BBOX1: variants seen among roughly 807,000 people sequenced by gnomAD.
BBOX1 encodes the protein gamma-butyrobetaine dioxygenase.
In BBOX1, 35 loss-of-function variants were observed where a neutral mutation model predicts 41.6. The observed-to-expected ratio is 0.84, with a 90% CI of 0.64 to 1.11. BBOX1 has a LOEUF of 1.11. Among genes scored for constraint, BBOX1 ranks in the 50% most tolerant of loss-of-function variants. The pLI, the probability that BBOX1 is intolerant of heterozygous loss-of-function variation, is 0.00. For synonymous variants in BBOX1, 163 were observed against 154.7 expected, an observed-to-expected ratio of 1.05 and a Z score of -0.40; for missense variants, 458 against 460.6, an observed-to-expected ratio of 0.99 and a Z score of 0.05.
At position 27,119,636 on chromosome 11, in the gene BBOX1, T is replaced by C; in HGVS notation, c.640-13T>C. 4 of 1,357,622 alleles carry C rather than the reference T, an allele frequency of 2.9e-6. No homozygotes were observed. In the East Asian group the frequency reaches 1.1e-4, roughly 37 times the overall value. 84.1% of individuals were successfully genotyped at this position (1,357,622 alleles called of 1,614,324 possible). A position where few individuals can be genotyped will look rare whatever the true frequency, so the allele number is the denominator to read the frequency against. ...TTAATATTTATTTAATAATGCATAT[T>C]TTCTTTTTATAGGTTCAGCTTCTTC... On this transcript the variant is annotated splice_polypyrimidine_tract_variant and intron_variant, in intron 6 of 8. Transcript: ENST00000263182.
intron 4 of BBOX1, among the ~76,000 whole-genome samples, chr11:27,072,625 C>T (rs963428622): frequency 6.6e-6 from 1 of 152,088 alleles, no homozygotes; most frequent in Non-Finnish European, 1.5e-5. Flanking sequence ...CAATCCTAAG[C>T]CAAAAGAACA....
At chr11:27,082,866 T>C (rs1265779325) in intron 4 of BBOX1, among the ~76,000 whole-genome samples, 2 of 152,166 alleles carry the variant, frequency 1.3e-5, no homozygotes, top group African/African-American at 4.8e-5. Flanking sequence ...ATTCCAGTCA[T>C]AAGCGTGAGT....
chr11:27,096,218 CTTTG>C (rs1858433723), intron 5 of BBOX1, among the ~76,000 whole-genome samples: 1 of 152,078 alleles, frequency 6.6e-6, no homozygotes, highest in South Asian at 2.1e-4. Context: ...ATTCTTTCTA[CTTTG>C]TTTGTGCCTG....
intron 4 of BBOX1, among the ~76,000 whole-genome samples, chr11:27,091,030 G>A (rs2134037966): frequency 6.6e-6 from 1 of 152,044 alleles, no homozygotes; most frequent in East Asian, 1.9e-4. Flanking sequence ...TGGCCCTGAG[G>A]TGATGTATAT....
intron 4 of BBOX1, among the ~76,000 whole-genome samples, chr11:27,066,239 T>C (rs1426592939): frequency 6.6e-6 from 1 of 152,196 alleles, no homozygotes; most frequent in Non-Finnish European, 1.5e-5. Context: ...TTTGTTTTGT[T>C]TTGTTTTGTT....
intron 4 of BBOX1, among the ~76,000 whole-genome samples, chr11:27,059,199 C>T (rs908281780): frequency 6.6e-6 from 1 of 152,184 alleles, no homozygotes; most frequent in African/African-American, 2.4e-5. Context: ...GGCCCAGGTA[C>T]AGGTTGGGCC....
In BBOX1 at chr11:27,041,284, T is replaced by C. The variant is rs1851342104; in HGVS notation, c.-233T>C. Reference sequence around the variant, plus strand: ...GTTGCTACACCTTCAGATTGAGACATCCTTCCTCATTTACAAACCTCAGCT... The same window carrying C: ...GTTGCTACACCTTCAGATTGAGACACCCTTCCTCATTTACAAACCTCAGCT... On this transcript the variant is annotated 5_prime_UTR_variant, in exon 2 of 9. Coordinates refer to ENST00000263182, the MANE Select transcript of BBOX1 (RefSeq NM_003986.3). 1 of 151,224 alleles carries C rather than the reference T, an allele frequency of 6.6e-6. No homozygotes were observed. The highest frequency in any genetic ancestry group is 2.1e-4 in the South Asian group (1 of 4,808). The allele number at this position is 151,224 out of a possible 1,614,324, so 9.4% of individuals were successfully genotyped here. A position where few individuals can be genotyped will look rare whatever the true frequency, so the allele number is the denominator to read the frequency against.
chr11:27,051,715 T>TA (rs1464892529), intron 2 of BBOX1, among the ~76,000 whole-genome samples: 3 of 151,872 alleles, frequency 2.0e-5, no homozygotes, highest in Non-Finnish European at 4.4e-5. Context: ...TTTCTTAGGT[T>TA]AGCTAATGGT....
At chr11:27,125,863 T>A (rs754780139) in intron 8 of BBOX1, 43 bp downstream of exon 8, 1 of 1,578,960 alleles carries the variant, frequency 6.3e-7, no homozygotes, top group Admixed American at 1.8e-5. Context: ...GCATGGATTT[T>A]CTTCAACCTT....
intron 4 of BBOX1, among the ~76,000 whole-genome samples, chr11:27,075,815 T>C (rs1269589752): frequency 1.3e-5 from 2 of 152,262 alleles, no homozygotes; most frequent in Non-Finnish European, 2.9e-5. Flanking sequence ...ATAGGTGCAC[T>C]CATGCTGAAC....
At chr11:27,097,413 G>A (rs748963205) in intron 5 of BBOX1, among the ~76,000 whole-genome samples, 1 of 151,954 alleles carries the variant, frequency 6.6e-6, no homozygotes, top group East Asian at 1.9e-4. Context: ...TGTATCCTAC[G>A]AAGTAAATCC....
Position 27,074,540 on chromosome 11 carries a change from G to A in BBOX1, c.334+17225G>A, listed in dbSNP as rs529585722. ...GAAATTTACTGGGAACTGGAGTAAAGGTCACTCTTCAGCAAGAAGAAAGGC... is the reference window on the plus strand; with the variant it reads ...GAAATTTACTGGGAACTGGAGTAAAAGTCACTCTTCAGCAAGAAGAAAGGC... On this transcript the variant is annotated intron_variant, in intron 4 of 8. Coordinates refer to ENST00000263182, the MANE Select transcript of BBOX1 (RefSeq NM_003986.3). Among the ~76,000 whole-genome samples the A allele has an allele frequency of 2.6e-5, 4 of 152,230 alleles. No individual in the cohort carries two copies. The South Asian group carries it at 8.3e-4, about 32-fold the overall frequency.
At chr11:27,044,829 G>T (rs994907362) in intron 2 of BBOX1, among the ~76,000 whole-genome samples, 9 of 152,146 alleles carry the variant, frequency 5.9e-5, no homozygotes, top group African/African-American at 2.2e-4. Flanking sequence ...TTTGGTTACT[G>T]TGGCCTTGTA....
At chr11:27,048,530 G>A (rs1358513639) in intron 2 of BBOX1, among the ~76,000 whole-genome samples, 1 of 116,318 alleles carries the variant, frequency 8.6e-6, no homozygotes, top group Non-Finnish European at 2.0e-5. Context: ...CAGATAGATA[G>A]ATGATAGATA....
chr11:27,094,477 T>C (rs562239672), intron 5 of BBOX1, among the ~76,000 whole-genome samples: 1 of 152,100 alleles, frequency 6.6e-6, no homozygotes, highest in South Asian at 2.1e-4. Context: ...TGGGAGATTT[T>C]ACATTACATG....
Position 27,115,642 on chromosome 11 carries a change from C to T in BBOX1, c.639+85C>T, listed in dbSNP as rs1859233604. ...TTTGAGTCTAGAAGATTACACATTT[C>T]ACCAGGTAGTTTGTCTTTTATAAAT... On this transcript the variant is annotated intron_variant, in intron 6 of 8. Coordinates refer to ENST00000263182, the MANE Select transcript of BBOX1 (RefSeq NM_003986.3). 3.4e-6 allele frequency: 4 copies of T among 1,175,078 alleles called. No individual in the cohort carries two copies. In the Admixed American group the frequency reaches 8.0e-5, roughly 23 times the overall value. 72.8% of individuals were successfully genotyped at this position (1,175,078 alleles called of 1,614,324 possible).
chr11:27,092,231 T>C (rs1336352412), intron 4 of BBOX1, among the ~76,000 whole-genome samples: 3 of 151,960 alleles, frequency 2.0e-5, no homozygotes, highest in Admixed American at 6.6e-5. Context: ...ATTCCCCAGC[T>C]AGAAAAGAAG....
intron 6 of BBOX1, among the ~76,000 whole-genome samples, chr11:27,118,046 C>T (rs911534169): frequency 6.6e-6 from 1 of 151,806 alleles, no homozygotes; most frequent in Non-Finnish European, 1.5e-5. Flanking sequence ...TAGATTTTAT[C>T]GTACTTTACA....
chr11:27,085,555 A>ATCTCTCTCTCTCTCTCTC (rs59696795), intron 4 of BBOX1, among the ~76,000 whole-genome samples: 2 of 134,754 alleles, frequency 1.5e-5, no homozygotes, highest in African/African-American at 2.6e-5. Context: ...ACATTCCCCC[A>ATCTCTCTCTCTCTCTCTC]TCTCTCTCTC....
Sources: allele counts gnomAD v4.1 joint callset (sites outside exome capture counted in the v4.1 genomes callset), GRCh38; gene constraint gnomAD v4.1.1; transcripts MANE v1.5; gene names NCBI Gene and HGNC (gene_info 2026-07-23, HGNC 2026-07-21).